TNRC6B: variants seen among roughly 807,000 people sequenced by gnomAD.
The protein encoded by TNRC6B is trinucleotide repeat containing adaptor 6B.
Under a neutral mutation model 203.6 loss-of-function variants are expected in TNRC6B, and 52 were observed. The ratio of observed to expected loss-of-function variants is 0.26; its 90% CI spans 0.20 to 0.32. The LOEUF is 0.32. Ranked by LOEUF, TNRC6B falls within the 10% of genes least tolerant of loss-of-function variation. The pLI, the probability that TNRC6B is intolerant of heterozygous loss-of-function variation, is 1.00. For synonymous variants in TNRC6B, 838 were observed against 845.7 expected, an observed-to-expected ratio of 0.99 and a Z score of 0.16; for missense variants, 1,923 against 2,286.2, an observed-to-expected ratio of 0.84 and a Z score of 3.24.
intron 16 of TNRC6B, 61 bp from the exon 17 acceptor site, chr22:40,310,756 A>G: frequency 6.7e-7 from 1 of 1,493,380 alleles, no homozygotes; most frequent in Non-Finnish European, 9.0e-7. Flanking sequence ...GCGAATAAAA[A>G]ATAGACAAGT....
At chr22:40,270,336 G>A (rs1173221781) in intron 6 of TNRC6B, 56 bp downstream of exon 6, 3 of 1,264,898 alleles carry the variant, frequency 2.4e-6, no homozygotes, top group South Asian at 4.1e-5. Context: ...TTTTTTAATT[G>A]AGACGGAGTT....
chr22:40,211,486 A>G (rs1033557304), intron 1 of TNRC6B, among the ~76,000 whole-genome samples: 2 of 152,082 alleles, frequency 1.3e-5, no homozygotes, highest in Admixed American at 6.6e-5. Context: ...TGAGTAGCTG[A>G]TACGTGGTGC....
chr22:40,103,161 G>C (rs1015990246), intron 1 of TNRC6B, among the ~76,000 whole-genome samples: 7 of 151,744 alleles, frequency 4.6e-5, no homozygotes, highest in African/African-American at 1.4e-4. Flanking sequence ...CCAGCTACTC[G>C]GGAGGCTGAG....
intron 1 of TNRC6B, among the ~76,000 whole-genome samples, chr22:40,072,330 C>G (rs1352592236): frequency 6.6e-6 from 1 of 152,210 alleles, no homozygotes; most frequent in Non-Finnish European, 1.5e-5. Context: ...TTGGCTCATT[C>G]ACCAAGTCAG....
intron 1 of TNRC6B, among the ~76,000 whole-genome samples, chr22:40,199,387 A>C (rs965539693): frequency 2.0e-5 from 3 of 152,174 alleles, no homozygotes; most frequent in Non-Finnish European, 4.4e-5. Context: ...GCAGTGGAAC[A>C]AATTGAAATC....
chr22:40,079,627 TA>T (rs200219161), intron 1 of TNRC6B, among the ~76,000 whole-genome samples: 1,939 of 151,980 alleles, frequency 0.013, 37 homozygotes, highest in African/African-American at 0.037. Context: ...ATTTTTGGGT[TA>T]TTTTTTTTGA....
At chr22:40,209,642 A>T (rs896995323) in intron 1 of TNRC6B, among the ~76,000 whole-genome samples, 1 of 152,216 alleles carries the variant, frequency 6.6e-6, no homozygotes, top group African/African-American at 2.4e-5. Flanking sequence ...CTAGTTGTGT[A>T]TCTCAAGAGA....
chr22:40,141,685 T>C (rs1449481588), intron 3 of TNRC6B, among the ~76,000 whole-genome samples: 3 of 152,140 alleles, frequency 2.0e-5, no homozygotes, highest in Non-Finnish European at 4.4e-5. Context: ...GTAGTCTGCC[T>C]ACTGTTGCAT....
intron 1 of TNRC6B, among the ~76,000 whole-genome samples, chr22:40,075,223 A>T (rs1401498627): frequency 1.5e-5 from 2 of 133,284 alleles, no homozygotes; most frequent in East Asian, 4.5e-4. Flanking sequence ...AGTTTCTGAG[A>T]AGTGTTGAAA....
At chr22:40,050,599 A>G (rs1214530647) in intron 1 of TNRC6B, among the ~76,000 whole-genome samples, 1 of 151,876 alleles carries the variant, frequency 6.6e-6, no homozygotes, top group African/African-American at 2.4e-5. Flanking sequence ...CACTACCCCC[A>G]TCCACCCTCA....
At chr22:40,256,789 G>A (rs1461616862) in intron 3 of TNRC6B, among the ~76,000 whole-genome samples, 1 of 152,210 alleles carries the variant, frequency 6.6e-6, no homozygotes, top group Admixed American at 6.5e-5. Context: ...GAAAGGAAGA[G>A]CTGAAGCACT....
chr22:40,318,146 C>CT (rs2071283952), intron 21 of TNRC6B, among the ~76,000 whole-genome samples: 2 of 152,104 alleles, frequency 1.3e-5, no homozygotes, highest in Non-Finnish European at 2.9e-5. Context: ...AATCACAGGA[C>CT]TCGTATTTCA....
chr22:40,308,959 C>T (rs749884947), intron 16 of TNRC6B, among the ~76,000 whole-genome samples: 4 of 152,206 alleles, frequency 2.6e-5, no homozygotes, highest in Non-Finnish European at 2.9e-5. Flanking sequence ...GTTTGTTTTG[C>T]GGAGCAAGGG....
chr22:40,171,393 C>T (rs1051406167), intron 4 of TNRC6B, among the ~76,000 whole-genome samples: 7 of 151,942 alleles, frequency 4.6e-5, no homozygotes, highest in African/African-American at 1.7e-4. Flanking sequence ...GATCTCCTGA[C>T]CTTGTGATCC....
chr22:40,247,942 G>A (rs1423232665), intron 2 of TNRC6B, among the ~76,000 whole-genome samples: 2 of 152,152 alleles, frequency 1.3e-5, no homozygotes, highest in African/African-American at 4.8e-5. Context: ...GAGTGTGGTG[G>A]TGCACACCTG....
chr22:40,193,987 AG>A (rs1278109583), intron 1 of TNRC6B, among the ~76,000 whole-genome samples: 3 of 152,196 alleles, frequency 2.0e-5, no homozygotes, highest in African/African-American at 7.2e-5. Flanking sequence ...CAGCAAGGGA[AG>A]GTGAAGAACA....
At chr22:40,293,553 C>T (rs913819961) in intron 12 of TNRC6B, among the ~76,000 whole-genome samples, 3 of 140,618 alleles carry the variant, frequency 2.1e-5, no homozygotes, top group Non-Finnish European at 3.1e-5. Flanking sequence ...TGCTGGGTCA[C>T]GGGCAGGTTT....
At position 40,127,209 on chromosome 22, in the gene TNRC6B, G is replaced by A. The variant is rs148820179; in HGVS notation, c.45+1347G>A. On this transcript the variant is annotated intron_variant, in intron 3 of 23. Transcript: ENST00000301923. ...CAGAATTGTCTGTAGCTCTTCCTGG[G>A]AGCTCTGAAAACAACTCTTTCCATT... Among the ~76,000 whole-genome samples, 1,040 of 152,112 alleles carry A rather than the reference G, an allele frequency of 6.8e-3. 3 individuals are homozygous for A. Among genetic ancestry groups the A allele is most frequent in the Admixed American group, 0.011 (172 of 15,270 alleles).
chr22:40,181,260 T>C (rs1170263067), intron 1 of TNRC6B, among the ~76,000 whole-genome samples: 1 of 152,166 alleles, frequency 6.6e-6, no homozygotes, highest in African/African-American at 2.4e-5. Flanking sequence ...AAGAGTGTTA[T>C]GCGATGATGA....
Sources: gnomAD v4.1 joint callset for allele counts (sites outside exome capture counted in the v4.1 genomes callset) on GRCh38, gnomAD v4.1.1 for gene constraint, MANE v1.5 for transcripts, NCBI Gene and HGNC (gene_info 2026-07-23, HGNC 2026-07-21) for gene names.